GPHN: variants seen among roughly 807,000 people sequenced by gnomAD.
GPHN encodes gephyrin.
A neutral mutation model predicts 95.5 loss-of-function variants in GPHN; 17 were observed. The observed-to-expected ratio is 0.18, with a 90% CI of 0.12 to 0.27. GPHN has a LOEUF of 0.27. GPHN is among the 10% of genes least tolerant of loss of function. The pLI is 1.00. For missense variants in GPHN, 660 were observed against 978.1 expected, an observed-to-expected ratio of 0.67 and a Z score of 4.34; for synonymous variants, 320 against 322.5, an observed-to-expected ratio of 0.99 and a Z score of 0.08.
chr14:66,666,347 G>A (rs867343058), intron 1 of GPHN, among the ~76,000 whole-genome samples: 1 of 150,860 alleles, frequency 6.6e-6, no homozygotes, highest in Non-Finnish European at 1.5e-5. Flanking sequence ...ATTTTATATG[G>A]TTTACATTTT....
the GPHN span, chr14:67,225,205 G>C: frequency 6.5e-7 from 1 of 1,542,248 alleles, no homozygotes; most frequent in Non-Finnish European, 8.7e-7. Context: ...TGAATGTGAG[G>C]AAAGAAAAGT....
chr14:66,891,957 T>C (rs943659271), intron 5 of GPHN, among the ~76,000 whole-genome samples: 1 of 152,038 alleles, frequency 6.6e-6, no homozygotes, highest in Non-Finnish European at 1.5e-5. Context: ...TTGGCTGTTA[T>C]CAAAAAAATA....
At chr14:66,973,403 T>A (rs2069954237) in intron 9 of GPHN, among the ~76,000 whole-genome samples, 1 of 152,216 alleles carries the variant, frequency 6.6e-6, no homozygotes, top group Non-Finnish European at 1.5e-5. Flanking sequence ...CTTCTGCACT[T>A]GGATAATAAC....
intron 9 of GPHN, among the ~76,000 whole-genome samples, chr14:66,989,250 A>G (rs966416548): frequency 6.6e-6 from 1 of 152,024 alleles, no homozygotes; most frequent in African/African-American, 2.4e-5. Flanking sequence ...TTTTTAAAAA[A>G]AAGATTAGTA....
chr14:67,412,039 C>T, the GPHN span: 2 of 1,557,630 alleles, frequency 1.3e-6, no homozygotes, highest in Middle Eastern at 1.7e-4. Flanking sequence ...GGAAGCCCTC[C>T]TTGAGCACGC....
the GPHN span, among the ~76,000 whole-genome samples, chr14:67,223,246 T>A: frequency 1.3e-5 from 2 of 152,014 alleles, no homozygotes; most frequent in African/African-American, 2.4e-5. Flanking sequence ...GTGATCCCCC[T>A]GCCTTGGCCT....
chr14:66,588,334 T>G (rs1288023904), intron 1 of GPHN, among the ~76,000 whole-genome samples: 1 of 151,972 alleles, frequency 6.6e-6, no homozygotes, highest in Admixed American at 6.6e-5. Context: ...CCTCTTCTCC[T>G]CCAAAGTATC....
chr14:67,329,783 G>A, the GPHN span, among the ~76,000 whole-genome samples: 7 of 151,988 alleles, frequency 4.6e-5, no homozygotes, highest in South Asian at 6.2e-4. Context: ...TGAAGAGGCC[G>A]AGTTCGTGCT....
At chr14:67,314,382 A>G in the GPHN span, among the ~76,000 whole-genome samples, 1 of 152,226 alleles carries the variant, frequency 6.6e-6, no homozygotes, top group South Asian at 2.1e-4. Flanking sequence ...TTTGAGTATA[A>G]GGTCACAGAA....
At chr14:67,295,937 CA>C in the GPHN span, among the ~76,000 whole-genome samples, 2 of 151,274 alleles carry the variant, frequency 1.3e-5, no homozygotes, top group East Asian at 3.9e-4. Flanking sequence ...TAATAGAAAC[CA>C]AAAAAAACCT....
the GPHN span, among the ~76,000 whole-genome samples, chr14:67,212,302 C>A: frequency 6.6e-6 from 1 of 151,846 alleles, no homozygotes; most frequent in Non-Finnish European, 1.5e-5. Flanking sequence ...AAAATGGCTC[C>A]TCTGACAAAA....
chr14:67,626,872 G>A, the GPHN span, among the ~76,000 whole-genome samples: 8 of 152,176 alleles, frequency 5.3e-5, no homozygotes, highest in Non-Finnish European at 8.8e-5. Context: ...TCCATATAAT[G>A]GAGTATTATT....
At chr14:67,290,122 C>G in the GPHN span, among the ~76,000 whole-genome samples, 3 of 152,032 alleles carry the variant, frequency 2.0e-5, no homozygotes, top group South Asian at 4.2e-4. Flanking sequence ...TGTATGTGCT[C>G]TAAGTTTTTC....
At chr14:67,685,046 C>A in the GPHN span, 1 of 1,612,144 alleles carries the variant, frequency 6.2e-7, no homozygotes, top group Non-Finnish European at 8.5e-7. Flanking sequence ...ATCTCAAGAC[C>A]TTCTGTTAAG....
At chr14:67,031,520 C>T (rs978604247) in intron 10 of GPHN, among the ~76,000 whole-genome samples, 4 of 151,996 alleles carry the variant, frequency 2.6e-5, no homozygotes, top group South Asian at 2.1e-4. Flanking sequence ...CTATTTTTCT[C>T]GACTTTTTTA....
the GPHN span, among the ~76,000 whole-genome samples, chr14:67,704,939 A>C: frequency 6.6e-6 from 1 of 152,214 alleles, no homozygotes; most frequent in Non-Finnish European, 1.5e-5. Context: ...CAGGAACACA[A>C]TGGATTTTGT....
At chr14:66,570,419 T>A (rs1480964148) in intron 1 of GPHN, among the ~76,000 whole-genome samples, 1 of 151,740 alleles carries the variant, frequency 6.6e-6, no homozygotes, top group Non-Finnish European at 1.5e-5. Context: ...GTTCTGCTGC[T>A]TCAGCCTCCC....
intron 9 of GPHN, among the ~76,000 whole-genome samples, chr14:67,022,541 CTTTTTTTTT>C (rs1214143019): frequency 2.1e-3 from 39 of 18,886 alleles, no homozygotes; most frequent in Admixed American, 1.9e-3. Context: ...ATTATTTTTC[CTTTTTTTTT>C]TTTTTTTTTT....
chr14:67,683,997 TTTAA>T, the GPHN span, among the ~76,000 whole-genome samples: 1 of 152,242 alleles, frequency 6.6e-6, no homozygotes, highest in Non-Finnish European at 1.5e-5. Flanking sequence ...CATCCCCTCA[TTTAA>T]TTAATCATCC....
Sources: gnomAD v4.1 joint callset for allele counts (sites outside exome capture counted in the v4.1 genomes callset) on GRCh38, gnomAD v4.1.1 for gene constraint, MANE v1.5 for transcripts, NCBI Gene and HGNC (gene_info 2026-07-23, HGNC 2026-07-21) for gene names.